Variants in HDC observed in about 807,000 individuals in gnomAD.
HDC encodes histidine decarboxylase.
A neutral mutation model predicts 64.4 loss-of-function variants in HDC; 27 were observed. That is an observed-to-expected ratio of 0.42 (90% CI 0.31 to 0.58). The LOEUF (loss-of-function observed/expected upper bound fraction) is 0.58, where lower values mean the gene tolerates loss of function less well. Among genes scored for constraint, HDC ranks in the 20% least tolerant of loss-of-function variants. HDC has a pLI of 0.16. For missense variants in HDC, 711 were observed against 833.9 expected, an observed-to-expected ratio of 0.85 and a Z score of 1.81; for synonymous variants, 305 against 314.2, an observed-to-expected ratio of 0.97 and a Z score of 0.31.
At chr15:50,253,265 T>A in intron 7 of HDC, 1 of 408,432 alleles carries the variant, frequency 2.4e-6, no homozygotes, top group Non-Finnish European at 4.6e-6. Context: ...GCATTTCTAT[T>A]CTAGCCTAAT....
At position 50,242,905 on chromosome 15, in the gene HDC, G is replaced by A. The variant is rs1461505445; in HGVS notation, c.1344C>T (p.Phe448=). The A allele has an allele frequency of 6.2e-7, 1 of 1,614,164 alleles. No homozygotes were observed. Residue 448 remains phenylalanine (F), a synonymous_variant, in exon 12 of 12, where the codon TTC becomes TTT. Transcript: ENST00000267845. ...TAGTGGTAAACTGGGATGTCACAGT[G>A]AAACGGATGATTAACTTGTCCTGGA... ...ATIQDKLIIR[F]TVTSQFTTRD...
intron 9 of HDC, among the ~76,000 whole-genome samples, chr15:50,250,161 G>T (rs1392145658): frequency 1.3e-5 from 2 of 152,210 alleles, no homozygotes; most frequent in Non-Finnish European, 2.9e-5. Context: ...GACCCCAGGG[G>T]TTAAGCACCT....
At chr15:50,258,040 A>G (rs758231981) in intron 3 of HDC, among the ~76,000 whole-genome samples, 6 of 152,128 alleles carry the variant, frequency 3.9e-5, no homozygotes, top group Non-Finnish European at 7.4e-5. Context: ...CTACTCAAAT[A>G]CAAGAGCACA....
rs1292534069 is a variant in HDC, at chr15:50,246,608, C to T, written c.1140+1637G>A. On this transcript the variant is annotated intron_variant, in intron 10 of 11. Coordinates refer to ENST00000267845, the MANE Select transcript of HDC (RefSeq NM_002112.4). ...TAAGGTAGGAGCTAATCGTCAAGTC[C>T]TTGAAAGCCAGGCCCAGGAGTGTGG... Among the ~76,000 whole-genome samples the T allele has an allele frequency of 2.0e-5, 3 of 152,130 alleles. No individual in the cohort carries two copies. In the South Asian group the frequency reaches 6.2e-4, roughly 32 times the overall value.
Position 50,242,620 on chromosome 15 carries a change from T to G in HDC, c.1629A>C (p.Glu543Asp). The change falls in exon 12 of 12, where the codon GAA becomes GAC. Residue 543 changes from glutamate (E) to aspartate (D), a missense_variant. Physicochemically the swap from Glu to Asp is conservative, Grantham distance 45. This residue lies in a region of HDC where 483 missense variants were observed against 540.9 expected (regional missense o/e 0.89). Transcript: ENST00000267845. ...PMKRENGLHLETLLDPVDDCF... is the reference protein window; with the variant it reads ...PMKRENGLHLDTLLDPVDDCF... ...AGTCATCAACTGGGTCCAGCAGGGT[T>G]TCAAGATGGAGGCCATTTTCCCTTT... The G allele has an allele frequency of 6.2e-7, 1 of 1,614,106 alleles. No homozygotes were observed. Among genetic ancestry groups the G allele is most frequent in the African/African-American group, 1.3e-5 (1 of 75,018 alleles).
intron 10 of HDC, among the ~76,000 whole-genome samples, chr15:50,245,861 A>T (rs2045475347): frequency 6.6e-6 from 1 of 152,142 alleles, no homozygotes. Context: ...GCACTACCGC[A>T]CTTCAGCCTG....
chr15:50,243,427 A>G (rs376318361), intron 10 of HDC, among the ~76,000 whole-genome samples, 183 bp from the exon 11 acceptor site: 130 of 152,304 alleles, frequency 8.5e-4, no homozygotes, highest in Non-Finnish European at 1.4e-3. Flanking sequence ...AAAATTTCCA[A>G]TGGCGCCCTG....
At chr15:50,254,041 G>A in intron 6 of HDC, 89 bp downstream of exon 6, 1 of 1,368,126 alleles carries the variant, frequency 7.3e-7, no homozygotes, top group South Asian at 1.2e-5. Flanking sequence ...GCTTTTGTGT[G>A]CAGCATGTTA....
intron 10 of HDC, among the ~76,000 whole-genome samples, chr15:50,246,601 T>C (rs183652222): frequency 6.6e-5 from 10 of 152,224 alleles, no homozygotes; most frequent in Non-Finnish European, 1.5e-4. Context: ...GAGCTAATCG[T>C]CAAGTCCTTG....
intron 5 of HDC, 64 bp downstream of exon 5, chr15:50,254,466 C>G: frequency 6.2e-7 from 1 of 1,611,996 alleles, no homozygotes; most frequent in Non-Finnish European, 8.5e-7. Flanking sequence ...AAAAATTGCT[C>G]AAGGACCAAG....
chr15:50,258,106 G>A (rs1168896140), intron 3 of HDC, among the ~76,000 whole-genome samples: 1 of 152,138 alleles, frequency 6.6e-6, no homozygotes, highest in African/African-American at 2.4e-5. Flanking sequence ...ACAAACTGTG[G>A]CAATAACCAG....
rs974627158 is a variant in HDC at position 50,252,325 on chromosome 15, T to G, written c.1041+105A>C. ...AGTATTATGAGATGAGCTCATAGTG[T>G]GCTGCCTTCTGAAGGGAGCCACCGT... On this transcript the variant is annotated intron_variant, in intron 9 of 11. Coordinates refer to ENST00000267845, the MANE Select transcript of HDC (RefSeq NM_002112.4). The G allele has an allele frequency of 1.1e-5, 9 of 824,844 alleles. No individual in the cohort carries two copies. In the East Asian group the frequency reaches 2.0e-4, roughly 18 times the overall value. The allele number at this position is 824,844 out of a possible 1,614,324, so 51.1% of individuals were successfully genotyped here. A position where few individuals can be genotyped will look rare whatever the true frequency, so the allele number is the denominator to read the frequency against.
Position 50,252,414 on chromosome 15 carries a change from G to C in HDC, c.1041+16C>G, listed in dbSNP as rs775071368. 2 of 1,610,884 alleles carry C rather than the reference G, an allele frequency of 1.2e-6. No individual in the cohort carries two copies. The highest frequency in any genetic ancestry group is 2.2e-5 in the South Asian group (2 of 91,008). ...GCCACCCGAGCCCACCAGGCTGCCC[G>C]TCCCTGGCCACTCACCATGAAGTCG... is the stretch of plus-strand genomic sequence containing the variant. On this transcript the variant is annotated intron_variant, in intron 9 of 11. Coordinates refer to ENST00000267845, the MANE Select transcript of HDC (RefSeq NM_002112.4).
chr15:50,243,201 T>A lies in HDC; in HGVS notation c.1184A>T (p.Asp395Val). The A allele has an allele frequency of 3.7e-6, 6 of 1,613,858 alleles. No individual in the cohort carries two copies. The highest frequency in any genetic ancestry group is 1.1e-5 in the South Asian group (1 of 91,076). The change falls in exon 11 of 12, where the codon GAC becomes GTC. Residue 395 changes from aspartate to valine, a missense_variant. Physicochemically the swap from Asp to Val is radical, Grantham distance 152. Coordinates refer to ENST00000267845, the MANE Select transcript of HDC (RefSeq NM_002112.4). Reference protein sequence around the residue: ...AKYFESLVRNDPSFEIPAKRH... With the variant: ...AKYFESLVRNVPSFEIPAKRH... ...CTTGGCAGGAATTTCAAAGGAAGGG[T>A]CGTTTCTGACCAGAGATTCAAAATA...
chr15:50,265,716 C>T lies in HDC; in HGVS notation c.-93G>A. The T allele has an allele frequency of 3.5e-6, 4 of 1,129,434 alleles. No homozygotes were observed. In the South Asian group the frequency reaches 5.0e-5, roughly 14 times the overall value. The allele number at this position is 1,129,434 out of a possible 1,614,324, so 70.0% of individuals were successfully genotyped here. On this transcript the variant is annotated 5_prime_UTR_variant, in exon 1 of 12. Coordinates refer to ENST00000267845, the MANE Select transcript of HDC (RefSeq NM_002112.4). ...GCAGCCCGGCTTCCCTCTTGCCAGT[C>T]CTGCGCACTCCCTGGCAGCCAGTGT...
chr15:50,253,160 A>G (rs1214249840), intron 7 of HDC: 1 of 382,824 alleles, frequency 2.6e-6, no homozygotes, highest in Non-Finnish European at 4.9e-6. Context: ...TTGCTTGGGG[A>G]TTAAACAGTC....
chr15:50,243,708 C>T (rs1029502398), intron 10 of HDC, among the ~76,000 whole-genome samples: 4 of 152,218 alleles, frequency 2.6e-5, no homozygotes, highest in African/African-American at 9.6e-5. Context: ...GGGCTAGTGG[C>T]GGCCCTGCCC....
chr15:50,253,465 G>T, intron 7 of HDC, 135 bp downstream of exon 7: 1 of 829,384 alleles, frequency 1.2e-6, no homozygotes, highest in South Asian at 1.4e-5. Context: ...ATGACCTTTG[G>T]TGGTTCTTCC....
chr15:50,265,683 G>A lies in HDC; in HGVS notation c.-60C>T. 6.5e-7 allele frequency: 1 copy of A among 1,544,912 alleles called. No individual in the cohort carries two copies. The highest frequency in any genetic ancestry group is 8.9e-7 in the Non-Finnish European group (1 of 1,117,540). ...CACGCAGGAGGTGGAAGGCGTGAAA[G>A]GCGTGGAGCAGCCCGGCTTCCCTCT... is the stretch of plus-strand genomic sequence containing the variant. On this transcript the variant is annotated 5_prime_UTR_variant, in exon 1 of 12. Transcript: ENST00000267845.
Sources: allele counts gnomAD v4.1 joint callset (sites outside exome capture counted in the v4.1 genomes callset), GRCh38; gene constraint gnomAD v4.1.1; regional missense constraint gnomAD v4.1.1; transcripts MANE v1.5; gene names NCBI Gene and HGNC (gene_info 2026-07-23, HGNC 2026-07-21).